The following JPH3 variants were observed in gnomAD, a reference collection of about 807,000 sequenced individuals.
JPH3 encodes junctophilin-3.
JPH3 carries 11 observed loss-of-function variants against 59.6 expected under a neutral mutation model. That is an observed-to-expected ratio of 0.18 (90% CI 0.12 to 0.31). The LOEUF (loss-of-function observed/expected upper bound fraction) is 0.31. Ranked by LOEUF, JPH3 falls within the 10% of genes least tolerant of loss-of-function variation. The pLI is 1.00. For synonymous variants in JPH3, 673 were observed against 483.6 expected, an observed-to-expected ratio of 1.39 and a Z score of -5.14; for missense variants, 1,202 against 1,105.7, an observed-to-expected ratio of 1.09 and a Z score of -1.24.
intron 2 of JPH3, 72 bp downstream of exon 2, chr16:87,645,107 C>G: frequency 6.8e-7 from 1 of 1,464,366 alleles, no homozygotes; most frequent in Middle Eastern, 2.5e-4. Context: ...CTGTTCAGTC[C>G]TGCTGTCGCT....
At chr16:87,688,720 C>G (rs2142832119) in intron 3 of JPH3, among the ~76,000 whole-genome samples, 1 of 152,208 alleles carries the variant, frequency 6.6e-6, no homozygotes, top group Non-Finnish European at 1.5e-5. Flanking sequence ...GGGCGGGGGT[C>G]CCACTGTTCT....
intron 1 of JPH3, among the ~76,000 whole-genome samples, chr16:87,625,039 T>C (rs1474520017): frequency 6.6e-6 from 1 of 152,240 alleles, no homozygotes; most frequent in Admixed American, 6.5e-5. Flanking sequence ...CCTCAAGTGA[T>C]CCACCTGCCT....
Position 87,697,797 on chromosome 16 carries a change from T to G in JPH3, c.*1137T>G, listed in dbSNP as rs1007408042. ...AAAATGTACAATGTAACTTGTTCAG[T>G]CCAACAAAAACAGGTTCCTTATGTT... On this transcript the variant is annotated 3_prime_UTR_variant, in exon 5 of 5. Coordinates refer to ENST00000284262, the MANE Select transcript of JPH3 (RefSeq NM_020655.4). 12 of 152,218 alleles carry G rather than the reference T, an allele frequency of 7.9e-5. No individual in the cohort carries two copies. The highest frequency in any genetic ancestry group is 1.5e-5 in the Non-Finnish European group (1 of 68,042). 9.4% of individuals were successfully genotyped at this position (152,218 alleles called of 1,614,324 possible).
chr16:87,618,113 G>A (rs2031041103), intron 1 of JPH3, among the ~76,000 whole-genome samples: 1 of 152,162 alleles, frequency 6.6e-6, no homozygotes, highest in African/African-American at 2.4e-5. Flanking sequence ...GCAGTGAGTT[G>A]AGATTGGGCC....
intron 2 of JPH3, among the ~76,000 whole-genome samples, chr16:87,651,946 T>C (rs6540066): frequency 0.71 from 108,056 of 152,024 alleles, 39,040 homozygotes; most frequent in African/African-American, 0.84. Flanking sequence ...AAGGAAGAGT[T>C]CATTGATGCA....
intron 3 of JPH3, 24 bp from the exon 4 acceptor site, chr16:87,689,622 G>T: frequency 6.2e-7 from 1 of 1,607,298 alleles, no homozygotes; most frequent in Non-Finnish European, 8.5e-7. Context: ...ACGCCGTCTG[G>T]CGTCGTCTTG....
rs113440372 is a variant in JPH3 at position 87,669,016 on chromosome 16, T to C, written c.1161-15126T>C. On this transcript the variant is annotated intron_variant, in intron 2 of 4. Transcript: ENST00000284262. Reference sequence around the variant, plus strand: ...AGGTCCTGCGAGGCGAGGCCTGTGGTAGCCCTGCCCTTGGAGCACTGAGAA... The same window carrying C: ...AGGTCCTGCGAGGCGAGGCCTGTGGCAGCCCTGCCCTTGGAGCACTGAGAA... Among the ~76,000 whole-genome samples, 632 of 152,258 alleles carry C rather than the reference T, an allele frequency of 4.2e-3. 7 individuals carry two copies. The highest frequency in any genetic ancestry group is 0.014 in the African/African-American group (585 of 41,546).
At chr16:87,651,793 A>G (rs1331780677) in intron 2 of JPH3, among the ~76,000 whole-genome samples, 2 of 152,396 alleles carry the variant, frequency 1.3e-5, no homozygotes, top group South Asian at 2.1e-4. Flanking sequence ...TTGAAGTGAC[A>G]GCAAAGATTT....
At chr16:87,641,014 C>G (rs60142083) in intron 1 of JPH3, among the ~76,000 whole-genome samples, 1 of 152,186 alleles carries the variant, frequency 6.6e-6, no homozygotes, top group African/African-American at 2.4e-5. Flanking sequence ...GAAGGGCGTT[C>G]GGGTGTGGAG....
At chr16:87,673,445 C>G (rs1048377309) in intron 2 of JPH3, among the ~76,000 whole-genome samples, 8 of 152,250 alleles carry the variant, frequency 5.3e-5, no homozygotes, top group African/African-American at 1.7e-4. Flanking sequence ...GTTCAGACCC[C>G]AGGAACATTT....
At chr16:87,687,677 C>T (rs1483668614) in intron 3 of JPH3, among the ~76,000 whole-genome samples, 1 of 152,228 alleles carries the variant, frequency 6.6e-6, no homozygotes, top group Non-Finnish European at 1.5e-5. Flanking sequence ...ATCCTCACCA[C>T]GAGGCTTCTA....
chr16:87,647,106 G>C (rs2032178269), intron 2 of JPH3, among the ~76,000 whole-genome samples: 1 of 152,148 alleles, frequency 6.6e-6, no homozygotes, highest in Non-Finnish European at 1.5e-5. Context: ...CCTTCCTGGG[G>C]CATCCAACCT....
chr16:87,604,040 G>A (rs1384992388), intron 1 of JPH3: 1 of 968,632 alleles, frequency 1.0e-6, no homozygotes, highest in East Asian at 1.1e-4. Flanking sequence ...GAGCGCTAGG[G>A]GCGGGGGATG....
intron 1 of JPH3, among the ~76,000 whole-genome samples, chr16:87,631,130 A>G (rs1427328324): frequency 6.6e-6 from 1 of 152,204 alleles, no homozygotes; most frequent in Non-Finnish European, 1.5e-5. Context: ...AGATTCAGTA[A>G]TACACACAAA....
At chr16:87,694,517 G>T (rs962550580) in intron 4 of JPH3, 1 of 152,254 alleles carries the variant, frequency 6.6e-6, no homozygotes, top group African/African-American at 2.4e-5. Context: ...CTCCGGGCAA[G>T]GCCGTGACCC....
At chr16:87,643,381 C>T (rs2032020040) in intron 1 of JPH3, among the ~76,000 whole-genome samples, 1 of 138,526 alleles carries the variant, frequency 7.2e-6, no homozygotes, top group African/African-American at 2.8e-5. Flanking sequence ...GCAGTCCCCA[C>T]CCTCCCTTCT....
chr16:87,635,637 C>T lies in JPH3; in HGVS notation c.383-8621C>T, dbSNP rs528454861. Among the ~76,000 whole-genome samples the T allele has an allele frequency of 2.2e-3, 329 of 152,340 alleles. 3 individuals carry two copies. Among genetic ancestry groups the T allele is most frequent in the African/African-American group, 7.4e-3 (306 of 41,580 alleles). On this transcript the variant is annotated intron_variant, in intron 1 of 4. Transcript: ENST00000284262. ...CTGGCAGAACAGGAAGGGAGGGGTA[C>T]AGCCCTGTGGGGACGCAGCTGTGGC...
intron 4 of JPH3, among the ~76,000 whole-genome samples, chr16:87,691,086 A>ACCCC (rs11418087): frequency 8.7e-5 from 12 of 138,594 alleles, no homozygotes; most frequent in African/African-American, 2.4e-4. Context: ...CTCACCCAGC[A>ACCCC]CCCCCCCCCC....
rs1237457180 is a variant in JPH3, at chr16:87,613,789, A to G, written c.382+10261A>G. On this transcript the variant is annotated intron_variant, in intron 1 of 4. Coordinates refer to ENST00000284262, the MANE Select transcript of JPH3 (RefSeq NM_020655.4). ...TTTCTAAAACATCTATTTTGTTCCA[A>G]GTATTGTGCTGGGCATTTTATCATA... Among the ~76,000 whole-genome samples, 4 of 152,178 alleles carry G rather than the reference A, an allele frequency of 2.6e-5. No homozygotes were observed. In the East Asian group the frequency reaches 7.7e-4, roughly 29 times the overall value.
Sources: allele counts gnomAD v4.1 joint callset (sites outside exome capture counted in the v4.1 genomes callset), GRCh38; gene constraint gnomAD v4.1.1; transcripts MANE v1.5; gene names NCBI Gene and HGNC (gene_info 2026-07-23, HGNC 2026-07-21).